Variants in PLCB1 observed in about 807,000 individuals in gnomAD.
PLCB1 encodes the protein 1-phosphatidylinositol 4,5-bisphosphate phosphodiesterase beta-1.
PLCB1 carries 46 observed loss-of-function variants against 161.8 expected under a neutral mutation model. The observed-to-expected ratio is 0.28, with a 90% confidence interval of 0.22 to 0.36. The LOEUF is 0.36. Among genes scored for constraint, PLCB1 ranks in the 10% least tolerant of loss-of-function variants. The probability of loss-of-function intolerance (pLI) is 1.00; values close to 1 mark genes in which losing one functional copy is unlikely to be tolerated. For missense variants in PLCB1, 1,016 were observed against 1,472.5 expected (o/e 0.69, Z 5.07); for synonymous variants, 517 against 503.7 (o/e 1.03, Z -0.35).
At chr20:8,216,315 A>C (rs2123154241) in intron 2 of PLCB1, among the ~76,000 whole-genome samples, 1 of 152,210 alleles carries the variant, frequency 6.6e-6, no homozygotes, top group South Asian at 2.1e-4. Flanking sequence ...AGGATAGGGA[A>C]AACATAGCTC....
chr20:8,573,792 G>T (rs1200117087), intron 3 of PLCB1, among the ~76,000 whole-genome samples: 1 of 152,164 alleles, frequency 6.6e-6, no homozygotes, highest in Non-Finnish European at 1.5e-5. Flanking sequence ...ATCAGTGGGT[G>T]ATTACAGTGA....
At chr20:8,869,443 C>T (rs532395551) in intron 31 of PLCB1, among the ~76,000 whole-genome samples, 21 of 152,250 alleles carry the variant, frequency 1.4e-4, no homozygotes, top group African/African-American at 4.8e-4. Context: ...GCTGGGCTGA[C>T]GTGGCCTGCT....
At chr20:8,441,994 A>G (rs750717652) in intron 3 of PLCB1, among the ~76,000 whole-genome samples, 16 of 152,326 alleles carry the variant, frequency 1.1e-4, no homozygotes, top group Middle Eastern at 3.4e-3. Flanking sequence ...TTTAAAACAC[A>G]CACACATACG....
chr20:8,666,212 C>T (rs1436410542), intron 9 of PLCB1, among the ~76,000 whole-genome samples: 4 of 152,190 alleles, frequency 2.6e-5, no homozygotes, highest in Admixed American at 1.3e-4. Flanking sequence ...ATACCCTTCT[C>T]CTTCTTAGCT....
chr20:8,764,144 G>T (rs529138305), intron 25 of PLCB1, among the ~76,000 whole-genome samples: 1 of 152,052 alleles, frequency 6.6e-6, no homozygotes, highest in Non-Finnish European at 1.5e-5. Flanking sequence ...TCCAGCCTGC[G>T]CAACAGAGCA....
At chr20:8,172,927 A>G (rs1186414423) in intron 2 of PLCB1, among the ~76,000 whole-genome samples, 1 of 152,222 alleles carries the variant, frequency 6.6e-6, no homozygotes, top group Non-Finnish European at 1.5e-5. Flanking sequence ...ACCTAGCAAC[A>G]GAAGGTGGTT....
At chr20:8,746,805 C>T (rs1981195413) in intron 23 of PLCB1, among the ~76,000 whole-genome samples, 1 of 152,196 alleles carries the variant, frequency 6.6e-6, no homozygotes, top group Non-Finnish European at 1.5e-5. Context: ...GATGAAAACC[C>T]AGGCAATCTG....
At chr20:8,271,645 A>G (rs1380561842) in intron 2 of PLCB1, among the ~76,000 whole-genome samples, 1 of 152,120 alleles carries the variant, frequency 6.6e-6, no homozygotes, top group Non-Finnish European at 1.5e-5. Flanking sequence ...AAAATGTTTG[A>G]TTAATAGAGA....
At chr20:8,710,766 G>T (rs1316795346) in intron 12 of PLCB1, among the ~76,000 whole-genome samples, 1 of 151,846 alleles carries the variant, frequency 6.6e-6, no homozygotes. Flanking sequence ...CGCCCACCTC[G>T]GCCTCCCAAA....
intron 31 of PLCB1, among the ~76,000 whole-genome samples, chr20:8,838,642 G>A (rs564270637): frequency 1.2e-4 from 18 of 152,218 alleles, no homozygotes; most frequent in Admixed American, 2.0e-4. Context: ...TAGGAAATTC[G>A]TAAACGAAAA....
intron 31 of PLCB1, among the ~76,000 whole-genome samples, chr20:8,870,273 T>G (rs2146323867): frequency 6.6e-6 from 1 of 152,306 alleles, no homozygotes; most frequent in East Asian, 1.9e-4. Flanking sequence ...AGATTTTCAC[T>G]AAATAAAAGA....
At chr20:8,466,489 A>C (rs888052627) in intron 3 of PLCB1, among the ~76,000 whole-genome samples, 7 of 152,108 alleles carry the variant, frequency 4.6e-5, no homozygotes, top group African/African-American at 7.2e-5. Context: ...TTAAAAAAAA[A>C]CAAAAGAGCT....
chr20:8,201,428 C>T (rs1050806286), intron 2 of PLCB1, among the ~76,000 whole-genome samples: 1 of 151,840 alleles, frequency 6.6e-6, no homozygotes, highest in Admixed American at 6.6e-5. Flanking sequence ...GGAAAAAAAT[C>T]CAAAAATTTT....
intron 3 of PLCB1, among the ~76,000 whole-genome samples, chr20:8,592,948 CA>C (rs1987196194): frequency 3.9e-5 from 6 of 152,160 alleles, no homozygotes; most frequent in Non-Finnish European, 8.8e-5. Context: ...TCCGGAAACC[CA>C]GGCTGCACCC....
At chr20:8,685,885 C>A (rs746062398) in intron 10 of PLCB1, among the ~76,000 whole-genome samples, 24 of 152,138 alleles carry the variant, frequency 1.6e-4, no homozygotes, top group Non-Finnish European at 3.4e-4. Context: ...TGTTTCTAAT[C>A]TGATCTTAAA....
chr20:8,530,674 G>C (rs1428129144), intron 3 of PLCB1, among the ~76,000 whole-genome samples: 2 of 152,000 alleles, frequency 1.3e-5, no homozygotes, highest in Non-Finnish European at 2.9e-5. Context: ...AATCAAAATA[G>C]TACATTGCAC....
At chr20:8,356,638 G>A (rs549617926) in intron 2 of PLCB1, among the ~76,000 whole-genome samples, 3 of 152,138 alleles carry the variant, frequency 2.0e-5, no homozygotes, top group East Asian at 1.9e-4. Flanking sequence ...ATAATCATAC[G>A]GCATAATAGC....
intron 2 of PLCB1, among the ~76,000 whole-genome samples, chr20:8,298,205 G>A (rs550069216): frequency 6.6e-6 from 1 of 151,634 alleles, no homozygotes; most frequent in Non-Finnish European, 1.5e-5. Context: ...TGAGGTAGGA[G>A]GATCGCTTGA....
At chr20:8,179,908 G>C (rs369151601) in intron 2 of PLCB1, among the ~76,000 whole-genome samples, 1 of 129,382 alleles carries the variant, frequency 7.7e-6, no homozygotes, top group African/African-American at 3.1e-5. Context: ...GCCCAGGCTG[G>C]AGTGCAGTGG....
Sources: gnomAD v4.1 joint callset for allele counts (sites outside exome capture counted in the v4.1 genomes callset) on GRCh38, gnomAD v4.1.1 for gene constraint, MANE v1.5 for transcripts, NCBI Gene and HGNC (gene_info 2026-07-23, HGNC 2026-07-21) for gene names.